Variants in ZFHX3 observed in about 807,000 individuals in gnomAD.
ZFHX3 encodes zinc finger homeobox protein 3.
A neutral mutation model predicts 279.1 loss-of-function variants in ZFHX3; 42 were observed. The observed-to-expected ratio is 0.15, with a 90% CI of 0.12 to 0.19. ZFHX3 has a LOEUF of 0.19. Ranked by LOEUF, ZFHX3 falls within the 10% of genes least tolerant of loss-of-function variation. ZFHX3 has a pLI of 1.00. For missense variants in ZFHX3, 4,981 were observed against 4,754.0 expected (o/e 1.05, Z -1.40); for synonymous variants, 2,293 against 1,957.8 (o/e 1.17, Z -4.52).
intron 3 of ZFHX3, among the ~76,000 whole-genome samples, chr16:73,334,517 C>A (rs1437109291): frequency 6.6e-6 from 1 of 152,132 alleles, no homozygotes; most frequent in Non-Finnish European, 1.5e-5. Context: ...TCTGTGCCTT[C>A]CCCTGCTGTC....
At chr16:73,538,136 A>G (rs1412634619) in intron 2 of ZFHX3, among the ~76,000 whole-genome samples, 1 of 152,200 alleles carries the variant, frequency 6.6e-6, no homozygotes, top group Non-Finnish European at 1.5e-5. Context: ...GTCATCACGC[A>G]GCACCTCATC....
intron 2 of ZFHX3, among the ~76,000 whole-genome samples, chr16:73,468,030 G>A (rs1029702630): frequency 6.6e-6 from 1 of 152,216 alleles, no homozygotes; most frequent in African/African-American, 2.4e-5. Flanking sequence ...TTGGCCAGTG[G>A]AGAAGAAACT....
At chr16:73,041,887 G>A (rs143613236) in intron 1 of ZFHX3, among the ~76,000 whole-genome samples, 89 of 152,296 alleles carry the variant, frequency 5.8e-4, no homozygotes, top group African/African-American at 1.9e-3. Context: ...GGTGGAAGAG[G>A]CTTGCATTGC....
intron 3 of ZFHX3, among the ~76,000 whole-genome samples, chr16:72,925,883 C>A (rs569328616): frequency 1.3e-5 from 2 of 152,198 alleles, no homozygotes; most frequent in Admixed American, 6.5e-5. Flanking sequence ...GACTGCTACT[C>A]CCCTGTCCCC....
chr16:73,241,528 T>C (rs112927242), intron 5 of ZFHX3, among the ~76,000 whole-genome samples: 29,111 of 151,872 alleles, frequency 0.19, 4,805 homozygotes, highest in East Asian at 0.47. Context: ...CGGTGGCTCA[T>C]GCCTGTAATC....
intron 5 of ZFHX3, among the ~76,000 whole-genome samples, chr16:73,225,709 A>ATG (rs1450742109): frequency 6.6e-6 from 1 of 152,208 alleles, no homozygotes; most frequent in East Asian, 1.9e-4. Context: ...CTTTGATGTG[A>ATG]TGTCATGACC....
In ZFHX3 at chr16:73,543,570, A is replaced by G. The variant is rs78881997; in HGVS notation, c.-1546-87312T>C. On this transcript the variant is annotated intron_variant, in intron 2 of 17. Coordinates refer to the ZFHX3 transcript ENST00000641206. ...TAAAGGGAGCAGCTGGGAATCCATA[A>G]AGCTGGCTGATGAGAAAGTCAAGTG... Among the ~76,000 whole-genome samples the G allele has an allele frequency of 8.6e-3, 1,308 of 152,244 alleles. 19 individuals carry two copies. Among genetic ancestry groups the G allele is most frequent in the African/African-American group, 0.03 (1,250 of 41,534 alleles).
chr16:72,897,477 T>C (rs933792451), intron 3 of ZFHX3, among the ~76,000 whole-genome samples: 2 of 152,128 alleles, frequency 1.3e-5, no homozygotes, highest in African/African-American at 4.8e-5. Context: ...TCTCACTCTA[T>C]CATCCAGGAT....
chr16:72,792,125 AGAG>A (rs1256923544), intron 9 of ZFHX3, among the ~76,000 whole-genome samples: 1 of 152,224 alleles, frequency 6.6e-6, no homozygotes, highest in Admixed American at 6.5e-5. Context: ...GGCTGGATCC[AGAG>A]AAGATGTGAG....
intron 1 of ZFHX3, among the ~76,000 whole-genome samples, chr16:73,010,587 G>T (rs546249691): frequency 2.2e-4 from 33 of 152,256 alleles, no homozygotes; most frequent in African/African-American, 7.7e-4. Context: ...GCAGAACCAG[G>T]TTACCTCATC....
intron 2 of ZFHX3, among the ~76,000 whole-genome samples, chr16:73,473,206 G>A (rs1051610898): frequency 2.2e-4 from 34 of 151,678 alleles, no homozygotes; most frequent in African/African-American, 7.7e-4. Flanking sequence ...GCGTGATGGT[G>A]TGTGTCTGTG....
intron 2 of ZFHX3, among the ~76,000 whole-genome samples, chr16:73,640,819 A>C (rs2052566677): frequency 6.6e-6 from 1 of 152,204 alleles, no homozygotes; most frequent in African/African-American, 2.4e-5. Context: ...TAAGAGACAC[A>C]AAAACTTCAG....
intron 2 of ZFHX3, among the ~76,000 whole-genome samples, chr16:73,574,543 T>C (rs1253814485): frequency 1.3e-5 from 2 of 152,208 alleles, no homozygotes; most frequent in African/African-American, 2.4e-5. Context: ...CCAGATGACC[T>C]GATAACCCTC....
At chr16:73,517,276 T>C (rs574392674) in intron 2 of ZFHX3, among the ~76,000 whole-genome samples, 2 of 152,342 alleles carry the variant, frequency 1.3e-5, no homozygotes, top group Non-Finnish European at 2.9e-5. Context: ...TGCATTTTTC[T>C]ACCTCTATGG....
intron 1 of ZFHX3, among the ~76,000 whole-genome samples, chr16:73,006,519 G>A (rs1021228863): frequency 6.6e-6 from 1 of 152,020 alleles, no homozygotes; most frequent in Non-Finnish European, 1.5e-5. Flanking sequence ...GCTACTCAAG[G>A]TGATGCAGGA....
rs192556032 is a variant in ZFHX3, at chr16:72,803,314, A to G, written c.3865-3185T>C. On this transcript the variant is annotated intron_variant, in intron 7 of 9. Transcript: ENST00000268489. Reference sequence around the variant, plus strand: ...GCCATTGCACTCCAGCCTGGGCGACAGAGTGAGACTCTGTCTCCAATCAAT... The same window carrying G: ...GCCATTGCACTCCAGCCTGGGCGACGGAGTGAGACTCTGTCTCCAATCAAT... Among the ~76,000 whole-genome samples the G allele has an allele frequency of 1.9e-3, 289 of 152,342 alleles. 1 individual carries two copies. Among genetic ancestry groups the G allele is most frequent in the Middle Eastern group, 3.4e-3 (1 of 294 alleles).
At chr16:73,640,484 T>C (rs2052563920) in intron 2 of ZFHX3, among the ~76,000 whole-genome samples, 1 of 151,958 alleles carries the variant, frequency 6.6e-6, no homozygotes, top group Non-Finnish European at 1.5e-5. Flanking sequence ...AAACTTCAAG[T>C]AGAAGTAATA....
chr16:73,459,162 G>C (rs2018427326), intron 2 of ZFHX3, among the ~76,000 whole-genome samples: 2 of 152,192 alleles, frequency 1.3e-5, no homozygotes, highest in Non-Finnish European at 2.9e-5. Context: ...GGAGTCCCTG[G>C]ATGTGGTGAG....
chr16:73,813,219 C>G (rs1204183411), intron 1 of ZFHX3, among the ~76,000 whole-genome samples: 1 of 127,642 alleles, frequency 7.8e-6, no homozygotes, highest in Non-Finnish European at 1.6e-5. Context: ...TCATCCCTAC[C>G]TCTTTCTCTT....
Sources: allele counts gnomAD v4.1 joint callset (sites outside exome capture counted in the v4.1 genomes callset), GRCh38; gene constraint gnomAD v4.1.1; transcripts MANE v1.5; gene names NCBI Gene and HGNC (gene_info 2026-07-23, HGNC 2026-07-21).